The following HDGFL2 variants were observed in gnomAD, a reference collection of about 807,000 sequenced individuals.
The protein encoded by HDGFL2 is hepatoma-derived growth factor-related protein 2.
HDGFL2 carries 36 observed loss-of-function variants against 77.1 expected under a neutral mutation model. The ratio of observed to expected loss-of-function variants is 0.47; its 90% CI spans 0.36 to 0.62. HDGFL2 has a LOEUF of 0.62. Among genes scored for constraint, HDGFL2 ranks in the 20% least tolerant of loss-of-function variants. The probability of loss-of-function intolerance (pLI) is 0.00; values close to 1 mark genes in which losing one functional copy is unlikely to be tolerated. For missense variants in HDGFL2, 976 were observed against 973.4 expected (o/e 1.00, Z -0.04); for synonymous variants, 463 against 413.1 (o/e 1.12, Z -1.46).
intron 3 of HDGFL2, among the ~76,000 whole-genome samples, chr19:4,479,904 T>TG (rs536612029): frequency 8.2e-6 from 1 of 122,054 alleles, no homozygotes; most frequent in Non-Finnish European, 1.7e-5. Context: ...AGACTCTGTC[T>TG]AAAAAAAAAA....
rs752364639 is a variant in HDGFL2, at chr19:4,491,804, G to A, written c.647G>A (p.Arg216Gln). 5.6e-6 allele frequency: 9 copies of A among 1,613,908 alleles called. No homozygotes were observed. The highest frequency in any genetic ancestry group is 2.7e-5 in the African/African-American group (2 of 74,924). ...AAGAAAGCAGCGGTCCGGGCGCCACGGAGGGGCCCTCTGGGGGGACGGAAA... is the reference window on the plus strand; with the variant it reads ...AAGAAAGCAGCGGTCCGGGCGCCACAGAGGGGCCCTCTGGGGGGACGGAAA... ...PEKKAAVRAP[R>Q]RGPLGGRKKK... The change falls in exon 6 of 16, where the codon CGG becomes CAG. Residue 216 changes from arginine to glutamine, a missense_variant. Arg to Gln is a conservative substitution (Grantham distance 43, BLOSUM62 1). Coordinates refer to ENST00000616600, the MANE Select transcript of HDGFL2 (RefSeq NM_001001520.3).
intron 3 of HDGFL2, among the ~76,000 whole-genome samples, chr19:4,479,800 A>G (rs1416084778): frequency 6.8e-6 from 1 of 147,374 alleles, no homozygotes; most frequent in Non-Finnish European, 1.5e-5. Context: ...CAGCTACTCT[A>G]CAGGCTGAGG....
intron 4 of HDGFL2, among the ~76,000 whole-genome samples, chr19:4,490,655 C>T (rs756439406): frequency 2.2e-4 from 34 of 152,102 alleles, no homozygotes; most frequent in Admixed American, 4.6e-4. Flanking sequence ...GATAGAGTCA[C>T]GTGTACTTTG....
chr19:4,472,783 G>A (rs1568200968), intron 1 of HDGFL2, among the ~76,000 whole-genome samples: 1 of 150,170 alleles, frequency 6.7e-6, no homozygotes, highest in Non-Finnish European at 1.5e-5. Flanking sequence ...GATCCTGCAG[G>A]ACCCGCCGTC....
At chr19:4,473,205 G>A (rs1258944322) in intron 1 of HDGFL2, among the ~76,000 whole-genome samples, 2 of 149,682 alleles carry the variant, frequency 1.3e-5, no homozygotes, top group African/African-American at 4.9e-5. Context: ...CTGCGCCGTG[G>A]GGATCTGGGG....
intron 14 of HDGFL2, 125 bp from the exon 15 acceptor site, chr19:4,501,066 A>T (rs538478839): frequency 8.6e-7 from 1 of 1,158,192 alleles, no homozygotes; most frequent in South Asian, 1.4e-5. Context: ...GCTGGGGTCC[A>T]GGTGGATGGG....
intron 9 of HDGFL2, among the ~76,000 whole-genome samples, chr19:4,495,492 G>T (rs1265901192): frequency 2.0e-5 from 3 of 151,894 alleles, no homozygotes; most frequent in Admixed American, 1.3e-4. Context: ...TCACACACAG[G>T]CCCAGAGGAC....
intron 6 of HDGFL2, among the ~76,000 whole-genome samples, chr19:4,492,222 CAT>C (rs1491111888): frequency 1.3e-5 from 2 of 151,840 alleles, no homozygotes; most frequent in Non-Finnish European, 2.9e-5. Flanking sequence ...TGTCGACGTG[CAT>C]GTGTGTGTGT....
In HDGFL2 at chr19:4,501,328, C is replaced by G. The variant is rs747976576; in HGVS notation, c.1916+11C>G. The G allele has an allele frequency of 6.3e-7, 1 of 1,581,800 alleles. No individual in the cohort carries two copies. Among genetic ancestry groups the G allele is most frequent in the Non-Finnish European group, 8.6e-7 (1 of 1,161,662 alleles). Reference sequence around the variant, plus strand: ...TGAAGACCTGCACGAGTGAGTGTCCCGGGCCGTGGGGTTTGGACTCCTGAG... The same window carrying G: ...TGAAGACCTGCACGAGTGAGTGTCCGGGGCCGTGGGGTTTGGACTCCTGAG... On this transcript the variant is annotated intron_variant, in intron 15 of 15. Transcript: ENST00000616600.
chr19:4,472,652 C>T (rs10421899), intron 1 of HDGFL2, among the ~76,000 whole-genome samples: 11,324 of 147,340 alleles, frequency 0.077, 1,446 homozygotes, highest in African/African-American at 0.27. Context: ...CTGGGGTTGT[C>T]CGGGGCCTGC....
In HDGFL2 at chr19:4,491,824, C is replaced by A; in HGVS notation, c.667C>A (p.Arg223=). 6.2e-7 allele frequency: 1 copy of A among 1,612,994 alleles called. No homozygotes were observed. Among genetic ancestry groups the A allele is most frequent in the Non-Finnish European group, 8.5e-7 (1 of 1,179,632 alleles). The change falls in exon 6 of 16, where the codon CGG becomes AGG. Residue 223 remains arginine, a synonymous_variant. Transcript: ENST00000616600. ...GCCACGGAGGGGCCCTCTGGGGGGA[C>A]GGAAAAAAAAGGTAGCGTGCACTTG... ...RAPRRGPLGG[R]KKKKAPSASD...
At chr19:4,475,903 T>G (rs1975059835) in intron 3 of HDGFL2, among the ~76,000 whole-genome samples, 1 of 151,760 alleles carries the variant, frequency 6.6e-6, no homozygotes, top group Non-Finnish European at 1.5e-5. Flanking sequence ...TTTTTTTTTT[T>G]TTTTGAGACA....
chr19:4,496,420 G>A lies in HDGFL2; in HGVS notation c.1328+15G>A. 2 of 1,606,254 alleles carry A rather than the reference G, an allele frequency of 1.2e-6. No homozygotes were observed. Among genetic ancestry groups the A allele is most frequent in the African/African-American group, 1.3e-5 (1 of 74,840 alleles). Reference sequence around the variant, plus strand: ...CAACAAGCCAAGTGAGCCCTGCTCTGCCCCTCCACACCCTGGGGGCCCCGC... The same window carrying A: ...CAACAAGCCAAGTGAGCCCTGCTCTACCCCTCCACACCCTGGGGGCCCCGC... On this transcript the variant is annotated intron_variant, in intron 10 of 15. Coordinates refer to ENST00000616600, the MANE Select transcript of HDGFL2 (RefSeq NM_001001520.3).
intron 9 of HDGFL2, among the ~76,000 whole-genome samples, chr19:4,494,807 C>A (rs1238306805): frequency 1.3e-5 from 2 of 152,142 alleles, no homozygotes; most frequent in African/African-American, 2.4e-5. Flanking sequence ...ATAGTCCCGG[C>A]TGCTCAGGAG....
chr19:4,472,458 G>C (rs775289297), intron 1 of HDGFL2, 36 bp downstream of exon 1: 9 of 449,604 alleles, frequency 2.0e-5, no homozygotes, highest in South Asian at 6.8e-5. Context: ...GGTGGGGGGG[G>C]GGGGGGGGGC....
In HDGFL2 at chr19:4,494,070, G is replaced by A; in HGVS notation, c.914+13G>A. ...CCAGCAGTGACAGGTGGGTGCTGGG[G>A]CTGGGGTCCCCTCTGGCGGCTCCTC... On this transcript the variant is annotated intron_variant, in intron 8 of 15. Coordinates refer to ENST00000616600, the MANE Select transcript of HDGFL2 (RefSeq NM_001001520.3). The A allele has an allele frequency of 6.3e-7, 1 of 1,591,826 alleles. No homozygotes were observed. The highest frequency in any genetic ancestry group is 8.5e-7 in the Non-Finnish European group (1 of 1,169,724).
chr19:4,500,869 G>T (rs146804500), intron 14 of HDGFL2, among the ~76,000 whole-genome samples: 5 of 152,178 alleles, frequency 3.3e-5, no homozygotes, highest in Admixed American at 3.3e-4. Context: ...GGCCTCCCAC[G>T]TGCTGGGATT....
chr19:4,494,793 C>G (rs2145204961), intron 9 of HDGFL2, among the ~76,000 whole-genome samples: 1 of 152,252 alleles, frequency 6.6e-6, no homozygotes, highest in Non-Finnish European at 1.5e-5. Context: ...TGGTGTGCGC[C>G]TGTATAGTCC....
intron 3 of HDGFL2, among the ~76,000 whole-genome samples, chr19:4,483,247 A>C (rs950576411): frequency 6.6e-6 from 1 of 152,176 alleles, no homozygotes; most frequent in Non-Finnish European, 1.5e-5. Flanking sequence ...ACGCTTCACC[A>C]CACCCGGTTC....
Sources: allele counts gnomAD v4.1 joint callset (sites outside exome capture counted in the v4.1 genomes callset), GRCh38; gene constraint gnomAD v4.1.1; transcripts MANE v1.5; gene names NCBI Gene and HGNC (gene_info 2026-07-23, HGNC 2026-07-21).